The following DNAH14 variants were observed in gnomAD, a reference collection of about 807,000 sequenced individuals.
DNAH14 encodes axonemal beta dynein heavy chain 14.
A neutral mutation model predicts 520.9 loss-of-function variants in DNAH14; 478 were observed. The observed-to-expected ratio is 0.92, with a 90% confidence interval of 0.85 to 0.99. The LOEUF (loss-of-function observed/expected upper bound fraction) is 0.99, where lower values mean the gene tolerates loss of function less well. Ranked by LOEUF, DNAH14 falls within the 50% of genes least tolerant of loss-of-function variation. The probability of loss-of-function intolerance (pLI) is 0.00; values close to 1 mark genes in which losing one functional copy is unlikely to be tolerated. For synonymous variants in DNAH14, 1,581 were observed against 1,757.2 expected (o/e 0.90, Z 2.51); for missense variants, 4,831 against 5,234.5 (o/e 0.92, Z 2.38).
At chr1:225,365,581 C>T (rs544490313) in intron 76 of DNAH14, among the ~76,000 whole-genome samples, 46 of 152,276 alleles carry the variant, frequency 3.0e-4, no homozygotes, top group African/African-American at 8.9e-4. Flanking sequence ...CAGCTCTGCC[C>T]GTCTCCTGTA....
At chr1:225,142,349 A>C (rs1175937350) in intron 28 of DNAH14, among the ~76,000 whole-genome samples, 4 of 152,212 alleles carry the variant, frequency 2.6e-5, no homozygotes, top group Non-Finnish European at 4.4e-5. Context: ...GGGCACTGCA[A>C]GATATTTTAA....
intron 74 of DNAH14, among the ~76,000 whole-genome samples, chr1:225,358,937 T>A (rs1052679860): frequency 1.3e-5 from 2 of 152,338 alleles, no homozygotes; most frequent in Middle Eastern, 3.4e-3. Flanking sequence ...CCTTCTGCCA[T>A]GATTGTAAGT....
At chr1:225,276,318 T>G (rs574367203) in intron 53 of DNAH14, among the ~76,000 whole-genome samples, 1 of 152,152 alleles carries the variant, frequency 6.6e-6, no homozygotes, top group Non-Finnish European at 1.5e-5. Context: ...TTCATCTTAT[T>G]TGTCTCATTT....
intron 36 of DNAH14, among the ~76,000 whole-genome samples, chr1:225,181,203 G>C (rs1289798836): frequency 6.6e-6 from 1 of 152,068 alleles, no homozygotes; most frequent in Non-Finnish European, 1.5e-5. Flanking sequence ...GTATATTTGT[G>C]ACATTTTCTT....
intron 83 of DNAH14, 126 bp from the exon 84 acceptor site, chr1:225,392,165 A>ATCTCTTTTGTTC: frequency 1.7e-6 from 2 of 1,210,438 alleles, no homozygotes; most frequent in East Asian, 2.6e-5. Context: ...CGCCCAGCCC[A>ATCTCTTTTGTTC]TCTCTTTTGT....
intron 40 of DNAH14, 97 bp downstream of exon 40, chr1:225,206,276 A>C: frequency 8.9e-7 from 1 of 1,127,996 alleles, no homozygotes. Flanking sequence ...TTTTATTTTT[A>C]CCTTTGTATC....
chr1:225,128,417 A>G (rs1455086047), intron 27 of DNAH14, among the ~76,000 whole-genome samples: 2 of 152,150 alleles, frequency 1.3e-5, no homozygotes, highest in Non-Finnish European at 2.9e-5. Context: ...AAAATCCTCA[A>G]TAAAATACTG....
chr1:225,158,706 G>A (rs150829878), intron 34 of DNAH14, among the ~76,000 whole-genome samples: 2 of 152,288 alleles, frequency 1.3e-5, no homozygotes, highest in African/African-American at 4.8e-5. Flanking sequence ...AGCTGCATTA[G>A]AATCTGAACC....
At chr1:225,003,044 AT>A in intron 9 of DNAH14, 117 bp downstream of exon 9, 2 of 910,844 alleles carry the variant, frequency 2.2e-6, no homozygotes, top group South Asian at 2.4e-5. Context: ...ATCTCTTTCG[AT>A]TACTACCGTT....
At position 225,380,281 on chromosome 1, in the gene DNAH14, T is replaced by C; in HGVS notation, c.12839T>C (p.Met4280Thr). The C allele has an allele frequency of 6.4e-7, 1 of 1,551,666 alleles. No individual in the cohort carries two copies. The highest frequency in any genetic ancestry group is 8.7e-7 in the Non-Finnish European group (1 of 1,146,986). Residue 4280 changes from methionine to threonine, a missense_variant, in exon 80 of 86, where the codon ATG becomes ACG. Met to Thr is a moderately conservative substitution (Grantham distance 81). Coordinates refer to ENST00000682510, the MANE Select transcript of DNAH14 (RefSeq NM_001367479.1). Reference sequence around the variant, plus strand: ...ACTCCAAGCACATTGAAGAGCATGATGTCAAGCTCCATTTGGGAGTCTCTT... The same window carrying C: ...ACTCCAAGCACATTGAAGAGCATGACGTCAAGCTCCATTTGGGAGTCTCTT... ...VGTPSTLKSM[M>T]SSSIWESLSK...
At chr1:225,393,295 T>C (rs1323850371) in intron 84 of DNAH14, among the ~76,000 whole-genome samples, 3 of 152,210 alleles carry the variant, frequency 2.0e-5, no homozygotes, top group Non-Finnish European at 4.4e-5. Context: ...ACGATGGGGA[T>C]ACATTCTGAG....
rs960295114 is a variant in DNAH14, at chr1:225,159,634, G to A, written c.5445+149G>A. 23 of 852,656 alleles carry A rather than the reference G, an allele frequency of 2.7e-5. No homozygotes were observed. In the East Asian group the frequency reaches 6.7e-4, roughly 25 times the overall value. 52.8% of individuals were successfully genotyped at this position (852,656 alleles called of 1,614,324 possible). A position where few individuals can be genotyped will look rare whatever the true frequency, so the allele number is the denominator to read the frequency against. ...ATAAAAATACTTGGAGATATATAGT[G>A]CCCCTTGGGGAAAAAAAGAGCTTTC... is the stretch of plus-strand genomic sequence containing the variant. On this transcript the variant is annotated intron_variant, in intron 35 of 85. Coordinates refer to ENST00000682510, the MANE Select transcript of DNAH14 (RefSeq NM_001367479.1).
intron 17 of DNAH14, among the ~76,000 whole-genome samples, chr1:225,068,554 C>T (rs1052459924): frequency 2.0e-5 from 3 of 152,178 alleles, no homozygotes; most frequent in African/African-American, 7.2e-5. Flanking sequence ...GCCATTTTCA[C>T]AATACTGATT....
chr1:225,335,576 C>T (rs1241266613), intron 66 of DNAH14, among the ~76,000 whole-genome samples: 6 of 147,882 alleles, frequency 4.1e-5, no homozygotes, highest in Non-Finnish European at 9.0e-5. Context: ...TGTATATACG[C>T]ATATGTGCAT....
intron 25 of DNAH14, among the ~76,000 whole-genome samples, chr1:225,118,502 C>G (rs1456483716): frequency 6.6e-6 from 1 of 152,060 alleles, no homozygotes; most frequent in African/African-American, 2.4e-5. Context: ...GGCAAGTGGT[C>G]CTGATGTAAG....
chr1:225,246,591 A>G (rs2092295712), intron 43 of DNAH14, among the ~76,000 whole-genome samples: 1 of 152,232 alleles, frequency 6.6e-6, no homozygotes, highest in South Asian at 2.1e-4. Context: ...CACTTCTCAA[A>G]AGAAGACATT....
intron 8 of DNAH14, among the ~76,000 whole-genome samples, chr1:224,983,385 G>A (rs536676914): frequency 1.3e-5 from 2 of 152,076 alleles, no homozygotes; most frequent in East Asian, 1.9e-4. Context: ...CAGCAAAATC[G>A]GCATACAGGG....
intron 9 of DNAH14, among the ~76,000 whole-genome samples, chr1:225,003,516 T>C (rs1221054120): frequency 6.6e-6 from 1 of 152,036 alleles, no homozygotes; most frequent in Non-Finnish European, 1.5e-5. Context: ...TTAAGGGGCT[T>C]AGACAAGTTA....
chr1:225,115,161 G>A (rs2076776834), intron 23 of DNAH14, among the ~76,000 whole-genome samples: 1 of 152,178 alleles, frequency 6.6e-6, no homozygotes, highest in African/African-American at 2.4e-5. Flanking sequence ...CCTAACAATG[G>A]AGTCTCTCTC....
Sources: gnomAD v4.1 joint callset for allele counts (sites outside exome capture counted in the v4.1 genomes callset) on GRCh38, gnomAD v4.1.1 for gene constraint, MANE v1.5 for transcripts, NCBI Gene and HGNC (gene_info 2026-07-23, HGNC 2026-07-21) for gene names.